The following TAF1 variants were observed in gnomAD, a reference collection of about 807,000 sequenced individuals.
TAF1 encodes transcription initiation factor TFIID subunit 1.
Under a neutral mutation model 138.5 loss-of-function variants are expected in TAF1, and 2 were observed. That is an observed-to-expected ratio of 0.01 (90% CI 0.01 to 0.05). The LOEUF is 0.05. Ranked by LOEUF, TAF1 falls within the 10% of genes least tolerant of loss-of-function variation. The probability of loss-of-function intolerance (pLI) is 1.00; values close to 1 mark genes in which losing one functional copy is unlikely to be tolerated. For missense variants in TAF1, 709 were observed against 1,478.0 expected (o/e 0.48, Z 8.53); for synonymous variants, 437 against 503.2 (o/e 0.87, Z 1.76).
chrX:71,449,047 C>T (rs1279979948), intron 32 of TAF1, among the ~76,000 whole-genome samples: 1 of 109,087 alleles, frequency 9.2e-6, no homozygotes, highest in Non-Finnish European at 1.9e-5. Flanking sequence ...GGCTGGAGTT[C>T]AATGGCGCGA....
chrX:71,412,482 C>G (rs928041493), intron 28 of TAF1, among the ~76,000 whole-genome samples: 20 of 111,896 alleles, frequency 1.8e-4, no homozygotes, highest in African/African-American at 6.5e-4. Context: ...CACATTTTGT[C>G]TGTCAATTGA....
At chrX:71,424,727 C>T (rs1020117130) in intron 32 of TAF1, among the ~76,000 whole-genome samples, 1 of 111,939 alleles carries the variant, frequency 8.9e-6, no homozygotes, top group Non-Finnish European at 1.9e-5. Context: ...CAGGTTCAAG[C>T]AATTTTCTTG....
At chrX:71,402,268 C>T (rs1259925049) in intron 25 of TAF1, among the ~76,000 whole-genome samples, 1 of 111,463 alleles carries the variant, frequency 9.0e-6, no homozygotes. Context: ...CCACCACGCC[C>T]GGCTAATTTT....
chrX:71,375,926 T>C (rs2033441236), intron 4 of TAF1, among the ~76,000 whole-genome samples: 1 of 112,912 alleles, frequency 8.9e-6, no homozygotes, highest in African/African-American at 3.2e-5. Flanking sequence ...GGAAACTACT[T>C]GTTTAGATGG....
At chrX:71,475,027 T>C (rs1419488689) in intron 13 of TAF1, among the ~76,000 whole-genome samples, 1 of 110,099 alleles carries the variant, frequency 9.1e-6, no homozygotes, top group Admixed American at 9.8e-5. Flanking sequence ...GGGATGGGGG[T>C]GGGACATGAT....
intron 32 of TAF1, among the ~76,000 whole-genome samples, chrX:71,453,728 G>A (rs964796773): frequency 2.6e-4 from 29 of 110,454 alleles, no homozygotes; most frequent in Non-Finnish European, 3.6e-4. Context: ...CTTAGGATGG[G>A]CACAGTGGCT....
At chrX:71,494,843 G>A (rs923373896) in intron 13 of TAF1, among the ~76,000 whole-genome samples, 7 of 112,256 alleles carry the variant, frequency 6.2e-5, no homozygotes, top group Admixed American at 1.9e-4. Flanking sequence ...GGACCTGAGC[G>A]GGTTACTGCC....
intron 6 of TAF1, 164 bp downstream of exon 6, chrX:71,377,985 C>T (rs950468679): frequency 2.1e-5 from 15 of 724,507 alleles, no homozygotes; most frequent in Non-Finnish European, 2.7e-5. Context: ...CTGCCCCTTC[C>T]CTATTGTAAA....
chrX:71,383,620 A>C (rs2034030882), intron 12 of TAF1, among the ~76,000 whole-genome samples: 2 of 111,971 alleles, frequency 1.8e-5, no homozygotes, highest in South Asian at 7.4e-4. Flanking sequence ...GATTACTTAT[A>C]ATACCTACTC....
chrX:71,384,857 C>A, intron 13 of TAF1, 88 bp from the exon 14 acceptor site: 1 of 677,265 alleles, frequency 1.5e-6, no homozygotes, highest in Non-Finnish European at 2.2e-6. Flanking sequence ...ATGAGGGATA[C>A]TCAACCTGTA....
intron 13 of TAF1, among the ~76,000 whole-genome samples, chrX:71,499,220 T>C (rs1385307974): frequency 8.9e-6 from 1 of 111,732 alleles, no homozygotes; most frequent in African/African-American, 3.3e-5. Context: ...GTGATTGGCC[T>C]GCTCCATTTT....
At chrX:71,507,223 T>C (rs1331610938) in intron 13 of TAF1, among the ~76,000 whole-genome samples, 1 of 111,811 alleles carries the variant, frequency 8.9e-6, no homozygotes, top group Non-Finnish European at 1.9e-5. Flanking sequence ...TCTTATGTTT[T>C]ATGTGAATTT....
intron 13 of TAF1, chrX:71,485,088 T>C (rs933510651): frequency 7.1e-5 from 8 of 112,147 alleles, no homozygotes; most frequent in African/African-American, 2.6e-4. Context: ...GCCAACACTT[T>C]GACTGCAACC....
In TAF1 at chrX:71,377,825, G is replaced by A; in HGVS notation, c.933+4G>A. 8.4e-7 allele frequency: 1 copy of A among 1,195,054 alleles called. No homozygotes were observed. Among genetic ancestry groups the A allele is most frequent in the East Asian group, 3.0e-5 (1 of 33,697 alleles). Reference sequence around the variant, plus strand: ...GCAGTGTCTCTCTGATGATGAAGTAGGCAAAATAGAGACCTGAGATTAAGG... The same window carrying A: ...GCAGTGTCTCTCTGATGATGAAGTAAGCAAAATAGAGACCTGAGATTAAGG... On this transcript the variant is annotated splice_donor_region_variant and intron_variant, in intron 6 of 37. Transcript: ENST00000423759.
intron 13 of TAF1, among the ~76,000 whole-genome samples, chrX:71,510,666 T>A (rs952431124): frequency 4.5e-5 from 5 of 111,743 alleles, no homozygotes; most frequent in Non-Finnish European, 9.4e-5. Flanking sequence ...ATATTTAAAG[T>A]CCTTAGCATT....
intron 13 of TAF1, among the ~76,000 whole-genome samples, chrX:71,500,135 CT>C (rs2039471225): frequency 1.8e-5 from 2 of 110,831 alleles, no homozygotes; most frequent in Non-Finnish European, 3.8e-5. Context: ...GGAAGGGGAG[CT>C]GTAGGAAGGC....
intron 18 of TAF1, among the ~76,000 whole-genome samples, chrX:71,390,995 CA>C (rs374089728): frequency 1.3e-3 from 123 of 97,740 alleles, no homozygotes; most frequent in Admixed American, 3.2e-3. Flanking sequence ...ATCTCCATCT[CA>C]AAAAAAAAAA....
chrX:71,394,147 A>G lies in TAF1; in HGVS notation c.3308A>G (p.Lys1103Arg), dbSNP rs1199502144. ...AEDSDFEEMG[K>R]NIENMLQNKK... ...GATAGTGACTTTGAAGAAATGGGAA[A>G]GAACATTGAGAACATGTTGCAGAAC... is the stretch of plus-strand genomic sequence containing the variant. The change falls in exon 22 of 38, where the codon AAG (lysine) becomes AGG (arginine). Residue 1103 changes from lysine (K) to arginine (R), a missense_variant. Lys to Arg is a conservative substitution (Grantham distance 26). This residue lies in a region of TAF1 where 31 missense variants were observed against 52.2 expected (regional missense o/e 0.59). Transcript: ENST00000423759. 1.7e-6 allele frequency: 2 copies of G among 1,212,048 alleles called. No homozygotes were observed. The highest frequency in any genetic ancestry group is 1.8e-5 in the South Asian group (1 of 57,023).
At chrX:71,384,810 C>T (rs1250707862) in intron 13 of TAF1, 135 bp from the exon 14 acceptor site, 4 of 465,777 alleles carry the variant, frequency 8.6e-6, no homozygotes, top group East Asian at 7.8e-5. Context: ...TGCAACTATT[C>T]CAAAATCCGA....
Sources: allele counts gnomAD v4.1 joint callset (sites outside exome capture counted in the v4.1 genomes callset), GRCh38; gene constraint gnomAD v4.1.1; regional missense constraint gnomAD v4.1.1; transcripts MANE v1.5; gene names NCBI Gene and HGNC (gene_info 2026-07-23, HGNC 2026-07-21).